IRF4: variants seen among roughly 807,000 people sequenced by gnomAD.
IRF4 encodes the protein interferon regulatory factor 4, also known as lymphocyte-specific interferon regulatory factor.
In IRF4, 13 loss-of-function variants were observed where a neutral mutation model predicts 55.5. That is an observed-to-expected ratio of 0.23 (90% CI 0.15 to 0.37). The LOEUF (loss-of-function observed/expected upper bound fraction) is 0.37. IRF4 is among the 10% of genes least tolerant of loss of function. The pLI, the probability that IRF4 is intolerant of heterozygous loss-of-function variation, is 1.00. For missense variants in IRF4, 397 were observed against 593.8 expected, an observed-to-expected ratio of 0.67 and a Z score of 3.44; for synonymous variants, 249 against 240.7, an observed-to-expected ratio of 1.03 and a Z score of -0.32.
In IRF4 at chr6:391,792, C is replaced by T; in HGVS notation, c.-73C>T. On this transcript the variant is annotated 5_prime_UTR_variant, in exon 1 of 9. Transcript: ENST00000380956. ...TCTTGGGACCCACCGCTGCCCTCAG[C>T]TCCGAGTCCAGGGCGAGGTAAGGGC... The T allele has an allele frequency of 2.2e-6, 1 of 456,212 alleles. No individual in the cohort carries two copies. The highest frequency in any genetic ancestry group is 1.5e-5 in the South Asian group (1 of 64,554). The allele number at this position is 456,212 out of a possible 1,614,324, so 28.3% of individuals were successfully genotyped here. A position where few individuals can be genotyped will look rare whatever the true frequency, so the allele number is the denominator to read the frequency against.
intron 1 of IRF4, among the ~76,000 whole-genome samples, chr6:392,084 A>T (rs1761117876): frequency 6.6e-6 from 1 of 151,870 alleles, no homozygotes; most frequent in African/African-American, 2.4e-5. Flanking sequence ...GCTGGACGGG[A>T]TGAGCTAACC....
intron 7 of IRF4, among the ~76,000 whole-genome samples, chr6:403,855 C>T (rs1231913483): frequency 6.6e-6 from 1 of 152,158 alleles, no homozygotes; most frequent in Admixed American, 6.5e-5. Flanking sequence ...ATTGTGCCAA[C>T]TCGCCATTCT....
At chr6:394,223 T>C (rs1761197472) in intron 2 of IRF4, among the ~76,000 whole-genome samples, 2 of 152,182 alleles carry the variant, frequency 1.3e-5, no homozygotes, top group Non-Finnish European at 1.5e-5. Context: ...CTGTCCTTAG[T>C]CCTAGGCAAG....
chr6:409,123 G>T lies in IRF4; in HGVS notation c.*1525G>T, dbSNP rs2127443769. Reference sequence around the variant, plus strand: ...AATGTGTGTTCCTGCTTTTCTAATGGATATTTTAAATTCATTCAACAAGCA... The same window carrying T: ...AATGTGTGTTCCTGCTTTTCTAATGTATATTTTAAATTCATTCAACAAGCA... On this transcript the variant is annotated 3_prime_UTR_variant, in exon 9 of 9. Transcript: ENST00000380956. 4.7e-6 allele frequency: 1 copy of T among 213,376 alleles called. No individual in the cohort carries two copies. Among genetic ancestry groups the T allele is most frequent in the South Asian group, 1.9e-4 (1 of 5,332 alleles). The allele number at this position is 213,376 out of a possible 1,614,324, so 13.2% of individuals were successfully genotyped here.
intron 5 of IRF4, among the ~76,000 whole-genome samples, chr6:398,456 CT>C (rs1761322473): frequency 6.6e-6 from 1 of 152,246 alleles, no homozygotes; most frequent in Non-Finnish European, 1.5e-5. Flanking sequence ...TAATTGGGCT[CT>C]TTGGCACAGA....
chr6:407,859 TGC>T lies in IRF4; in HGVS notation c.*262_*263del. 2.4e-6 allele frequency: 1 copy of T among 425,278 alleles called. No homozygotes were observed. The highest frequency in any genetic ancestry group is 4.2e-6 in the Non-Finnish European group (1 of 240,564). 26.3% of individuals were successfully genotyped at this position (425,278 alleles called of 1,614,324 possible). A position where few individuals can be genotyped will look rare whatever the true frequency, so the allele number is the denominator to read the frequency against. On this transcript the variant is annotated 3_prime_UTR_variant, in exon 9 of 9. Coordinates refer to ENST00000380956, the MANE Select transcript of IRF4 (RefSeq NM_002460.4). ...ACTTTAGTGAAAGCGTCCAATTGAC[TGC>T]CCTCTTACTGTTTTGAGGAATTCAG...
rs9391997 is a variant in IRF4, at chr6:409,119, A to G, written c.*1521A>G. The G allele has an allele frequency of 0.41, 88,229 of 213,584 alleles. 20,754 individuals carry two copies. Among genetic ancestry groups the G allele is most frequent in the Non-Finnish European group, 0.51 (54,078 of 105,424 alleles). The allele number at this position is 213,584 out of a possible 1,614,324, so 13.2% of individuals were successfully genotyped here. A position where few individuals can be genotyped will look rare whatever the true frequency, so the allele number is the denominator to read the frequency against. Reference sequence around the variant, plus strand: ...CTCAAATGTGTGTTCCTGCTTTTCTAATGGATATTTTAAATTCATTCAACA... The same window carrying G: ...CTCAAATGTGTGTTCCTGCTTTTCTGATGGATATTTTAAATTCATTCAACA... On this transcript the variant is annotated 3_prime_UTR_variant, in exon 9 of 9. Transcript: ENST00000380956.
At chr6:400,457 G>C (rs962686412) in intron 6 of IRF4, among the ~76,000 whole-genome samples, 1 of 152,204 alleles carries the variant, frequency 6.6e-6, no homozygotes, top group African/African-American at 2.4e-5. Context: ...AAGTTTCAGA[G>C]AGCGCAGTTT....
chr6:396,469 G>A (rs1235302284), intron 4 of IRF4, among the ~76,000 whole-genome samples: 1 of 152,244 alleles, frequency 6.6e-6, no homozygotes, highest in Non-Finnish European at 1.5e-5. Flanking sequence ...CTTTTCGGAT[G>A]ATAAAATGCT....
rs1267078147 is a variant in IRF4, at chr6:393,290, G to A, written c.138G>A (p.Glu46=). Residue 46 remains glutamate (E), a synonymous_variant, in exon 2 of 9, where the codon GAG becomes GAA. Coordinates refer to ENST00000380956, the MANE Select transcript of IRF4 (RefSeq NM_002460.4). The surrounding 1 kb of genome is among the most constrained non-coding windows in gnomAD (Gnocchi z 5.4). ...CCGGGCTGGTGTGGGAGAACGAGGA[G>A]AAGAGCATCTTCCGCATCCCCTGGA... is the stretch of plus-strand genomic sequence containing the variant. ...KYPGLVWENE[E]KSIFRIPWKH... The A allele has an allele frequency of 1.2e-6, 2 of 1,607,406 alleles. No homozygotes were observed. The highest frequency in any genetic ancestry group is 8.5e-7 in the Non-Finnish European group (1 of 1,177,212).
chr6:408,356 C>T lies in IRF4; in HGVS notation c.*758C>T, dbSNP rs571460911. The T allele has an allele frequency of 9.1e-5, 21 of 231,642 alleles. No individual in the cohort carries two copies. The highest frequency in any genetic ancestry group is 3.7e-4 in the African/African-American group (17 of 45,364). The allele number at this position is 231,642 out of a possible 1,614,324, so 14.3% of individuals were successfully genotyped here. ...GGGAGGCCCATCCCCCACCTGCCAGCGGTTTCCTGGTGTGGGTCCCTCTGC... is the reference window on the plus strand; with the variant it reads ...GGGAGGCCCATCCCCCACCTGCCAGTGGTTTCCTGGTGTGGGTCCCTCTGC... On this transcript the variant is annotated 3_prime_UTR_variant, in exon 9 of 9. Transcript: ENST00000380956.
chr6:405,155 C>T (rs545997610), intron 8 of IRF4, 25 bp downstream of exon 8: 1 of 1,247,726 alleles, frequency 8.0e-7, no homozygotes, highest in African/African-American at 1.5e-5. Context: ...ACACTCCTAC[C>T]ATAGTGGCTT....
chr6:398,681 C>CTGCTAGTTG, intron 5 of IRF4, 147 bp from the exon 6 acceptor site: 1 of 558,732 alleles, frequency 1.8e-6, no homozygotes, highest in Non-Finnish European at 3.2e-6. Context: ...AGAGCGTGCC[C>CTGCTAGTTG]TGCTAGTTGC....
At chr6:405,739 A>G (rs570217263) in intron 8 of IRF4, among the ~76,000 whole-genome samples, 2 of 152,366 alleles carry the variant, frequency 1.3e-5, no homozygotes, top group South Asian at 4.1e-4. Context: ...GATGGGTTCA[A>G]CTGTGGCAAG....
intron 5 of IRF4, 41 bp from the exon 6 acceptor site, chr6:398,785 ACT>A (rs770184335): frequency 1.6e-5 from 23 of 1,463,740 alleles, no homozygotes; most frequent in African/African-American, 1.5e-4. Context: ...GGTGCGTCGG[ACT>A]CTCTGTCTAG....
chr6:400,087 G>A (rs1443608064), intron 6 of IRF4, among the ~76,000 whole-genome samples: 2 of 152,072 alleles, frequency 1.3e-5, no homozygotes, highest in South Asian at 2.1e-4. Flanking sequence ...ACTCTCTTTG[G>A]GGCGCACTGT....
rs1307964358 is a variant in IRF4 at position 393,109 on chromosome 6, G to A, written c.-44G>A. On this transcript the variant is annotated 5_prime_UTR_variant, in exon 2 of 9. Transcript: ENST00000380956. This position sits in a 1 kb window ranked among gnomAD's most constrained non-coding sequence, Gnocchi z 5.4. ...TCTTCTCCCCGCAGTGCAGAGCAGA[G>A]CGGGCGGAGGACCCCGGGCGCGGGC... 2.0e-6 allele frequency: 3 copies of A among 1,523,102 alleles called. No individual in the cohort carries two copies. Among genetic ancestry groups the A allele is most frequent in the Admixed American group, 3.9e-5 (2 of 50,670 alleles). The allele number at this position is 1,523,102 out of a possible 1,614,324, so 94.3% of individuals were successfully genotyped here.
rs1319018717 is a variant in IRF4, at chr6:393,373, C to T, written c.216+5C>T. ...GAGGACGCCGCGCTCTTCAAGGTCT[C>T]CGGCCTCGGGAGCCGGCGGGGGCGC... On this transcript the variant is annotated splice_donor_5th_base_variant and intron_variant, in intron 2 of 8. Coordinates refer to ENST00000380956, the MANE Select transcript of IRF4 (RefSeq NM_002460.4). This position sits in a 1 kb window ranked among gnomAD's most constrained non-coding sequence, Gnocchi z 5.4. 6.4e-7 allele frequency: 1 copy of T among 1,573,118 alleles called. No individual in the cohort carries two copies. Among genetic ancestry groups the T allele is most frequent in the East Asian group, 2.3e-5 (1 of 42,916 alleles).
At position 408,228 on chromosome 6, in the gene IRF4, G is replaced by A; in HGVS notation, c.*630G>A. ...GATGTAAATTGAAGAAGCCTCACAC[G>A]TAAAAGAAATGTATTAATGTATGTA... is the stretch of plus-strand genomic sequence containing the variant. On this transcript the variant is annotated 3_prime_UTR_variant, in exon 9 of 9. Coordinates refer to ENST00000380956, the MANE Select transcript of IRF4 (RefSeq NM_002460.4). 4.3e-6 allele frequency: 1 copy of A among 232,632 alleles called. No individual in the cohort carries two copies. Among genetic ancestry groups the A allele is most frequent in the Non-Finnish European group, 8.5e-6 (1 of 117,490 alleles). The allele number at this position is 232,632 out of a possible 1,614,324, so 14.4% of individuals were successfully genotyped here. A position where few individuals can be genotyped will look rare whatever the true frequency, so the allele number is the denominator to read the frequency against.
Sources: allele counts gnomAD v4.1 joint callset (sites outside exome capture counted in the v4.1 genomes callset), GRCh38; gene constraint gnomAD v4.1.1; non-coding constraint Gnocchi (gnomAD v3.1); transcripts MANE v1.5; gene names NCBI Gene and HGNC (gene_info 2026-07-23, HGNC 2026-07-21).